Variants in CBLN2 observed in about 807,000 individuals in gnomAD.
CBLN2 encodes cerebellin-2.
CBLN2 carries 7 observed loss-of-function variants against 15.0 expected under a neutral mutation model. The observed-to-expected ratio is 0.47, with a 90% CI of 0.27 to 0.88. CBLN2 has a LOEUF of 0.88. Among genes scored for constraint, CBLN2 ranks in the 40% least tolerant of loss-of-function variants. The probability of loss-of-function intolerance (pLI) is 0.14; values close to 1 mark genes in which losing one functional copy is unlikely to be tolerated. For synonymous variants in CBLN2, 149 were observed against 135.2 expected, an observed-to-expected ratio of 1.10 and a Z score of -0.71; for missense variants, 242 against 304.5, an observed-to-expected ratio of 0.79 and a Z score of 1.53.
intron 1 of CBLN2, among the ~76,000 whole-genome samples, chr18:72,561,238 CAA>C (rs1207176719): frequency 4.9e-4 from 26 of 53,570 alleles, no homozygotes; most frequent in Non-Finnish European, 5.4e-4. Flanking sequence ...ATAAAAACAA[CAA>C]CCCAAAAAAA....
At chr18:72,561,259 A>AT (rs2069259576) in intron 1 of CBLN2, among the ~76,000 whole-genome samples, 1 of 150,332 alleles carries the variant, frequency 6.7e-6, no homozygotes, top group Non-Finnish European at 1.5e-5. Context: ...AAAAAAAAAA[A>AT]GATGCTTGAC....
chr18:72,564,413 C>T (rs2069281178), intron 1 of CBLN2, among the ~76,000 whole-genome samples: 1 of 151,866 alleles, frequency 6.6e-6, no homozygotes, highest in Non-Finnish European at 1.5e-5. Flanking sequence ...AATAAAAATA[C>T]AGTCGAGAGC....
chr18:72,536,970 G>C lies in CBLN2; in HGVS notation c.*1206C>G, dbSNP rs2145036692. On this transcript the variant is annotated 3_prime_UTR_variant, in exon 5 of 5. Coordinates refer to ENST00000269503, the MANE Select transcript of CBLN2 (RefSeq NM_182511.4). ...GTGACTTTCAGGTGGCTTCTCGCCA[G>C]GTGCATGCAGGAGAGTGTCAATGCA... 1 of 152,736 alleles carries C rather than the reference G, an allele frequency of 6.5e-6. No individual in the cohort carries two copies. Among genetic ancestry groups the C allele is most frequent in the Non-Finnish European group, 1.5e-5 (1 of 68,054 alleles). The allele number at this position is 152,736 out of a possible 1,614,324, so 9.5% of individuals were successfully genotyped here.
chr18:72,546,171 T>G (rs151263967), upstream of CBLN2, among the ~76,000 whole-genome samples: 1 of 152,090 alleles, frequency 6.6e-6, no homozygotes, highest in Non-Finnish European at 1.5e-5. Context: ...GGCGCGGTGG[T>G]TCACGCCTGT....
At chr18:72,552,886 T>C (rs2069199989) in intron 1 of CBLN2, among the ~76,000 whole-genome samples, 1 of 152,126 alleles carries the variant, frequency 6.6e-6, no homozygotes, top group Non-Finnish European at 1.5e-5. Flanking sequence ...ATTGCGAAAA[T>C]TGTTTCAGAA....
chr18:72,631,341 C>A (rs1231213283), intron 1 of CBLN2, among the ~76,000 whole-genome samples: 1 of 151,804 alleles, frequency 6.6e-6, no homozygotes, highest in Non-Finnish European at 1.5e-5. Context: ...TATATGGTCC[C>A]AATTTGACTT....
At chr18:72,562,735 G>A (rs2069269798) in intron 1 of CBLN2, among the ~76,000 whole-genome samples, 1 of 152,214 alleles carries the variant, frequency 6.6e-6, no homozygotes, top group Non-Finnish European at 1.5e-5. Context: ...AGTTTAAAAT[G>A]TTAGTCTGCC....
chr18:72,556,493 A>G (rs1232915726), intron 1 of CBLN2, among the ~76,000 whole-genome samples: 2 of 152,230 alleles, frequency 1.3e-5, no homozygotes, highest in African/African-American at 2.4e-5. Flanking sequence ...AAGAGAAAAG[A>G]AAAGAAAAGA....
Position 72,537,258 on chromosome 18 carries a change from AT to A in CBLN2, c.*917del, listed in dbSNP as rs1229904865. The A allele has an allele frequency of 6.6e-6, 1 of 152,186 alleles. No homozygotes were observed. The highest frequency in any genetic ancestry group is 1.5e-5 in the Non-Finnish European group (1 of 68,026). 9.4% of individuals were successfully genotyped at this position (152,186 alleles called of 1,614,324 possible). A position where few individuals can be genotyped will look rare whatever the true frequency, so the allele number is the denominator to read the frequency against. On this transcript the variant is annotated 3_prime_UTR_variant, in exon 5 of 5. Coordinates refer to ENST00000269503, the MANE Select transcript of CBLN2 (RefSeq NM_182511.4). Reference sequence around the variant, plus strand: ...ATTCTGAAGTATAAATTAAAAAAAAATGCAGGTTGCTATTAATAGTTCTAAA... The same window carrying A: ...ATTCTGAAGTATAAATTAAAAAAAAAGCAGGTTGCTATTAATAGTTCTAAA...
chr18:72,607,813 CT>C (rs922338541), intron 1 of CBLN2, among the ~76,000 whole-genome samples: 6 of 152,058 alleles, frequency 3.9e-5, no homozygotes, highest in East Asian at 1.9e-4. Flanking sequence ...GTCTACACCC[CT>C]AATCAGCGAT....
intron 1 of CBLN2, among the ~76,000 whole-genome samples, chr18:72,565,871 A>G (rs1306064792): frequency 6.6e-6 from 1 of 152,210 alleles, no homozygotes; most frequent in Admixed American, 6.5e-5. Flanking sequence ...ATAGAGAAAA[A>G]GAAACAACCT....
At chr18:72,618,704 G>A (rs542135087) in intron 1 of CBLN2, 26 of 725,792 alleles carry the variant, frequency 3.6e-5, no homozygotes, top group East Asian at 8.3e-5. Context: ...AAGAAAAGGC[G>A]CTTTGCCTTC....
chr18:72,579,148 A>G (rs958188080), intron 1 of CBLN2, among the ~76,000 whole-genome samples: 2 of 152,236 alleles, frequency 1.3e-5, no homozygotes, highest in African/African-American at 4.8e-5. Context: ...CTGCTGGAGT[A>G]ACACAATACT....
chr18:72,538,931 G>T, intron 3 of CBLN2, 159 bp from the exon 4 acceptor site: 1 of 810,966 alleles, frequency 1.2e-6, no homozygotes, highest in Non-Finnish European at 1.9e-6. Context: ...AGGAGGCAGT[G>T]CTGAAGTTAA....
chr18:72,575,320 G>T (rs896889455), intron 1 of CBLN2, among the ~76,000 whole-genome samples: 2 of 152,136 alleles, frequency 1.3e-5, no homozygotes, highest in African/African-American at 4.8e-5. Flanking sequence ...ATACCTTGAG[G>T]ATAGGGTGTT....
At chr18:72,592,828 T>C (rs2069488580) in intron 1 of CBLN2, among the ~76,000 whole-genome samples, 1 of 152,152 alleles carries the variant, frequency 6.6e-6, no homozygotes, top group African/African-American at 2.4e-5. Context: ...CTGGCTTCTC[T>C]ATTCTGTTCT....
intron 1 of CBLN2, among the ~76,000 whole-genome samples, chr18:72,571,431 G>C (rs2069331523): frequency 6.6e-6 from 1 of 152,164 alleles, no homozygotes; most frequent in Non-Finnish European, 1.5e-5. Context: ...AAAAAAGCGA[G>C]AGCATTGCCT....
intron 1 of CBLN2, among the ~76,000 whole-genome samples, chr18:72,598,437 C>G (rs1230789454): frequency 6.6e-6 from 1 of 152,206 alleles, no homozygotes; most frequent in Non-Finnish European, 1.5e-5. Flanking sequence ...ACAAAGTCCA[C>G]TTTCCTATCC....
At chr18:72,574,564 A>G (rs553136572) in intron 1 of CBLN2, among the ~76,000 whole-genome samples, 17 of 152,154 alleles carry the variant, frequency 1.1e-4, no homozygotes, top group Non-Finnish European at 1.9e-4. Context: ...CAGTGTACAG[A>G]TGGAGGGGAT....
Sources: allele counts gnomAD v4.1 joint callset (sites outside exome capture counted in the v4.1 genomes callset), GRCh38; gene constraint gnomAD v4.1.1; transcripts MANE v1.5; gene names NCBI Gene and HGNC (gene_info 2026-07-23, HGNC 2026-07-21).